Variants in GNAQ observed in about 807,000 individuals in gnomAD.
The protein encoded by GNAQ is G protein subunit alpha q.
Under a neutral mutation model 43.9 loss-of-function variants are expected in GNAQ, and 8 were observed. That is an observed-to-expected ratio of 0.18 (90% confidence interval 0.11 to 0.33). The LOEUF (loss-of-function observed/expected upper bound fraction) is 0.33, where lower values mean the gene tolerates loss of function less well. GNAQ is among the 10% of genes least tolerant of loss of function. The pLI is 1.00. For missense variants in GNAQ, 158 were observed against 450.8 expected (o/e 0.35, Z 5.88); for synonymous variants, 155 against 170.7 (o/e 0.91, Z 0.71).
chr9:77,718,223 T>C lies in GNAQ; in HGVS notation c.*3100A>G, dbSNP rs1825253867. 4.3e-6 allele frequency: 1 copy of C among 232,774 alleles called. No individual in the cohort carries two copies. The highest frequency in any genetic ancestry group is 6.0e-5 in the East Asian group (1 of 16,552). 14.4% of individuals were successfully genotyped at this position (232,774 alleles called of 1,614,324 possible). A position where few individuals can be genotyped will look rare whatever the true frequency, so the allele number is the denominator to read the frequency against. On this transcript the variant is annotated 3_prime_UTR_variant, in exon 7 of 7. Coordinates refer to ENST00000286548, the MANE Select transcript of GNAQ (RefSeq NM_002072.5). ...GCCTCCATTACCTAAGCATCAACAATAGGAGGCCAGTGGCACACGCTTATA... is the reference window on the plus strand; with the variant it reads ...GCCTCCATTACCTAAGCATCAACAACAGGAGGCCAGTGGCACACGCTTATA...
At chr9:77,804,778 C>T (rs1826800350) in intron 3 of GNAQ, among the ~76,000 whole-genome samples, 2 of 152,022 alleles carry the variant, frequency 1.3e-5, no homozygotes, top group African/African-American at 4.8e-5. Flanking sequence ...ATTTGCAGTT[C>T]ACGTCAAATA....
intron 5 of GNAQ, among the ~76,000 whole-genome samples, chr9:77,755,009 G>A (rs1015017400): frequency 6.6e-6 from 1 of 152,136 alleles, no homozygotes; most frequent in Admixed American, 6.5e-5. Flanking sequence ...AATGGATAAA[G>A]AAAATGTGAT....
At chr9:77,871,551 A>G (rs1428278191) in intron 2 of GNAQ, among the ~76,000 whole-genome samples, 1 of 152,126 alleles carries the variant, frequency 6.6e-6, no homozygotes, top group Non-Finnish European at 1.5e-5. Context: ...GATCCTCAAC[A>G]GTGGTGGGCT....
At chr9:77,782,899 CT>C (rs1826416898) in intron 5 of GNAQ, among the ~76,000 whole-genome samples, 1 of 152,158 alleles carries the variant, frequency 6.6e-6, no homozygotes, top group Admixed American at 6.5e-5. Context: ...TCTGAAAAGG[CT>C]ACAAACTGTA....
chr9:77,900,042 A>G (rs181179397), intron 2 of GNAQ, among the ~76,000 whole-genome samples: 1 of 152,258 alleles, frequency 6.6e-6, no homozygotes, highest in Non-Finnish European at 1.5e-5. Context: ...CTGTTCACCA[A>G]GTTAACAGAG....
intron 3 of GNAQ, among the ~76,000 whole-genome samples, chr9:77,811,586 T>C (rs574476640): frequency 6.6e-6 from 1 of 152,184 alleles, no homozygotes; most frequent in African/African-American, 2.4e-5. Flanking sequence ...TCCTGGAGCA[T>C]CTGCAGTGAT....
intron 3 of GNAQ, among the ~76,000 whole-genome samples, chr9:77,803,454 C>T (rs1363656506): frequency 6.6e-6 from 1 of 152,206 alleles, no homozygotes; most frequent in Non-Finnish European, 1.5e-5. Flanking sequence ...ATTTCTGACA[C>T]AATCTTCTTG....
In GNAQ at chr9:77,869,522, C is replaced by A. The variant is rs527800457; in HGVS notation, c.321+52639G>T. ...TAATTTAGTTACCAGAATTGGTAAA[C>A]AACCATATTTGCTATATATAAATGT... On this transcript the variant is annotated intron_variant, in intron 2 of 6. Transcript: ENST00000286548. 3.1e-4 allele frequency among the ~76,000 whole-genome samples: 47 copies of A among 152,284 alleles called. 1 individual carries two copies. The highest frequency in any genetic ancestry group is 6.8e-3 in the Middle Eastern group (2 of 292).
At chr9:77,977,667 C>G (rs1472345334) in intron 1 of GNAQ, among the ~76,000 whole-genome samples, 1 of 152,216 alleles carries the variant, frequency 6.6e-6, no homozygotes, top group Non-Finnish European at 1.5e-5. Context: ...GGTTCTGCAA[C>G]CCTGGAGCAT....
At chr9:77,791,224 T>C (rs1826566492) in intron 5 of GNAQ, among the ~76,000 whole-genome samples, 2 of 152,292 alleles carry the variant, frequency 1.3e-5, no homozygotes. Flanking sequence ...AGACAGTCAT[T>C]GAGACAATGT....
intron 2 of GNAQ, among the ~76,000 whole-genome samples, chr9:77,909,232 AT>A (rs1828759454): frequency 6.6e-6 from 1 of 152,212 alleles, no homozygotes; most frequent in South Asian, 2.1e-4. Context: ...ATCTAAAAGT[AT>A]TTTAATCCCC....
intron 5 of GNAQ, among the ~76,000 whole-genome samples, chr9:77,736,167 G>A (rs536674797): frequency 6.6e-6 from 1 of 152,166 alleles, no homozygotes; most frequent in African/African-American, 2.4e-5. Flanking sequence ...AAGTCATCCA[G>A]GTTTCTGCCA....
chr9:77,863,683 T>TAA (rs34359030), intron 2 of GNAQ, among the ~76,000 whole-genome samples: 70 of 151,568 alleles, frequency 4.6e-4, no homozygotes, highest in African/African-American at 1.7e-3. Flanking sequence ...TGGCCATTTA[T>TAA]AAAAAAAAAG....
intron 1 of GNAQ, among the ~76,000 whole-genome samples, chr9:77,984,911 A>C (rs1823414609): frequency 6.6e-6 from 1 of 152,172 alleles, no homozygotes; most frequent in Admixed American, 6.6e-5. Context: ...GAAAGCAGAG[A>C]ATTACAAAAT....
intron 5 of GNAQ, among the ~76,000 whole-genome samples, chr9:77,765,489 T>C (rs959526427): frequency 1.3e-5 from 2 of 152,196 alleles, no homozygotes; most frequent in Admixed American, 6.5e-5. Context: ...AAGGAAGTTA[T>C]ATAAACGGCC....
intron 1 of GNAQ, among the ~76,000 whole-genome samples, chr9:77,943,689 C>T (rs972520476): frequency 7.8e-6 from 1 of 127,900 alleles, no homozygotes; most frequent in African/African-American, 3.0e-5. Flanking sequence ...TTTGAGACGA[C>T]GTCTTGCTCT....
intron 2 of GNAQ, among the ~76,000 whole-genome samples, chr9:77,918,736 A>C (rs1227231910): frequency 2.0e-5 from 3 of 152,048 alleles, no homozygotes; most frequent in Non-Finnish European, 4.4e-5. Context: ...CCTCCCTCAG[A>C]TCTGCCCTTC....
chr9:77,761,199 G>A (rs1188461243), intron 5 of GNAQ, among the ~76,000 whole-genome samples: 2 of 140,106 alleles, frequency 1.4e-5, no homozygotes, highest in Admixed American at 7.0e-5. Context: ...AGTGAGGGGC[G>A]CCTCTGCCCA....
chr9:77,892,584 T>C (rs1321235743), intron 2 of GNAQ, among the ~76,000 whole-genome samples: 3 of 152,212 alleles, frequency 2.0e-5, no homozygotes, highest in Non-Finnish European at 4.4e-5. Flanking sequence ...TCCTCGGTGC[T>C]GCGAGTGATC....
Sources: allele counts gnomAD v4.1 joint callset (sites outside exome capture counted in the v4.1 genomes callset), GRCh38; gene constraint gnomAD v4.1.1; transcripts MANE v1.5; gene names NCBI Gene and HGNC (gene_info 2026-07-23, HGNC 2026-07-21).